Variants in TNNI3K observed in about 807,000 individuals in gnomAD.
The protein encoded by TNNI3K is serine/threonine-protein kinase TNNI3K.
TNNI3K carries 140 observed loss-of-function variants against 114.5 expected under a neutral mutation model. That is an observed-to-expected ratio of 1.22 (90% CI 1.07 to 1.41). TNNI3K has a LOEUF of 1.41. TNNI3K is among the 40% of genes most tolerant of loss of function. TNNI3K has a pLI of 0.00. For missense variants in TNNI3K, 1,125 were observed against 1,007.6 expected, an observed-to-expected ratio of 1.12 and a Z score of -1.58; for synonymous variants, 347 against 347.5, an observed-to-expected ratio of 1.00 and a Z score of 0.02.
intron 9 of TNNI3K, among the ~76,000 whole-genome samples, chr1:74,347,159 C>T (rs939194264): frequency 4.8e-5 from 5 of 104,764 alleles, no homozygotes; most frequent in African/African-American, 1.9e-4. Flanking sequence ...CCTCCCCCCA[C>T]CCCACAACAG....
intron 5 of TNNI3K, among the ~76,000 whole-genome samples, chr1:74,321,538 A>G (rs1659611339): frequency 6.6e-6 from 1 of 151,824 alleles, no homozygotes; most frequent in African/African-American, 2.4e-5. Context: ...CTCTCTATCC[A>G]TCAGCTTTTC....
intron 20 of TNNI3K, 146 bp downstream of exon 20, chr1:74,439,768 G>A (rs1666295523): frequency 1.6e-6 from 2 of 1,279,854 alleles, no homozygotes; most frequent in Non-Finnish European, 2.1e-6. Flanking sequence ...TTGTTTTAAG[G>A]TGTGTGCCCA....
At position 74,436,055 on chromosome 1, in the gene TNNI3K, CTTTTTTT is replaced by C. The variant is rs67642732; in HGVS notation, c.1773-11_1773-5del. 26 of 1,441,510 alleles carry C rather than the reference CTTTTTTT, an allele frequency of 1.8e-5. No individual in the cohort carries two copies. The highest frequency in any genetic ancestry group is 9.9e-5 in the East Asian group (4 of 40,592). 89.3% of individuals were successfully genotyped at this position (1,441,510 alleles called of 1,614,324 possible). A position where few individuals can be genotyped will look rare whatever the true frequency, so the allele number is the denominator to read the frequency against. On this transcript the variant is annotated intron_variant, in intron 17 of 24. Coordinates refer to ENST00000326637, the MANE Select transcript of TNNI3K (RefSeq NM_015978.3). ...CATAGCAAAGCTTACTCAATGTCTACTTTTTTTTTTTTTTTTTTTTACAGTCACAATA... is the reference window on the plus strand; with the variant it reads ...CATAGCAAAGCTTACTCAATGTCTACTTTTTTTTTTTTTACAGTCACAATA...
At position 74,430,473 on chromosome 1, in the gene TNNI3K, C is replaced by T. The variant is rs117842800; in HGVS notation, c.1773-5607C>T. Among the ~76,000 whole-genome samples the T allele has an allele frequency of 9.9e-4, 151 of 152,164 alleles. 1 individual carries two copies. The East Asian group carries it at 0.029, about 29-fold the overall frequency. On this transcript the variant is annotated intron_variant, in intron 17 of 24. Coordinates refer to ENST00000326637, the MANE Select transcript of TNNI3K (RefSeq NM_015978.3). ...CACAACACACACACATATGCACACA[C>T]CACTTTGCAAACAGCTTATTCATGT...
rs12563552 is a variant in TNNI3K at position 74,282,644 on chromosome 1, C to T, written c.444+10936C>T. On this transcript the variant is annotated intron_variant, in intron 5 of 24. Coordinates refer to ENST00000326637, the MANE Select transcript of TNNI3K (RefSeq NM_015978.3). ...CGTGAATTTCAGGGGACACAATTCC[C>T]CATAGCAATTATCCTTGTCAGATTT... Among the ~76,000 whole-genome samples, 131 of 152,222 alleles carry T rather than the reference C, an allele frequency of 8.6e-4. No individual in the cohort carries two copies. The East Asian group carries it at 0.016, about 19-fold the overall frequency.
intron 17 of TNNI3K, among the ~76,000 whole-genome samples, chr1:74,433,312 G>A (rs960434010): frequency 6.6e-6 from 1 of 152,012 alleles, no homozygotes; most frequent in Non-Finnish European, 1.5e-5. Context: ...TGGGTGTGAT[G>A]CCCACTGAAG....
intron 23 of TNNI3K, among the ~76,000 whole-genome samples, chr1:74,531,448 T>C (rs936782136): frequency 3.3e-5 from 5 of 152,166 alleles, no homozygotes; most frequent in Admixed American, 3.3e-4. Flanking sequence ...TCTTACTCTT[T>C]AGGCCAGAGG....
At chr1:74,252,114 A>G (rs572810815) in intron 4 of TNNI3K, among the ~76,000 whole-genome samples, 2 of 152,208 alleles carry the variant, frequency 1.3e-5, no homozygotes, top group South Asian at 4.2e-4. Flanking sequence ...CGTCTGGGAG[A>G]TTTTTTCTGT....
intron 17 of TNNI3K, among the ~76,000 whole-genome samples, chr1:74,426,329 T>C (rs1285004866): frequency 6.6e-6 from 1 of 152,040 alleles, no homozygotes. Context: ...TCCTTAGAGG[T>C]CAAGCTCTGC....
At chr1:74,324,088 TATAA>T (rs1294584536) in intron 5 of TNNI3K, among the ~76,000 whole-genome samples, 1 of 152,226 alleles carries the variant, frequency 6.6e-6, no homozygotes, top group Non-Finnish European at 1.5e-5. Context: ...ACAAGAGGAC[TATAA>T]ATATTAGTCC....
chr1:74,480,522 G>A (rs937695676), intron 21 of TNNI3K: 1 of 717,506 alleles, frequency 1.4e-6, no homozygotes, highest in Non-Finnish European at 2.6e-6. Flanking sequence ...TGAGGCAGGG[G>A]CCGGAAGGCA....
chr1:74,365,194 G>T (rs1443083319), intron 11 of TNNI3K, among the ~76,000 whole-genome samples: 2 of 152,054 alleles, frequency 1.3e-5, no homozygotes, highest in African/African-American at 2.4e-5. Context: ...TCTTACAAGG[G>T]TGGATTATCG....
intron 17 of TNNI3K, among the ~76,000 whole-genome samples, chr1:74,413,387 A>G (rs1664978230): frequency 6.6e-6 from 1 of 152,120 alleles, no homozygotes; most frequent in Admixed American, 6.5e-5. Flanking sequence ...AACATTTCAC[A>G]CCTCTTCTTA....
At chr1:74,417,298 G>A (rs1570595009) in intron 17 of TNNI3K, among the ~76,000 whole-genome samples, 2 of 151,982 alleles carry the variant, frequency 1.3e-5, no homozygotes, top group Non-Finnish European at 2.9e-5. Context: ...GTACTTCCCT[G>A]TTCAAGCCAA....
At chr1:74,366,546 A>G (rs1662281666) in intron 11 of TNNI3K, 1 of 152,014 alleles carries the variant, frequency 6.6e-6, no homozygotes, top group South Asian at 2.1e-4. Flanking sequence ...AGCCTTCTGC[A>G]TCTAGCCAGC....
intron 17 of TNNI3K, chr1:74,373,862 T>G (rs1170592854): frequency 6.6e-6 from 1 of 151,950 alleles, no homozygotes; most frequent in Non-Finnish European, 1.5e-5. Flanking sequence ...TACCATCCAG[T>G]TCTGAAAGTT....
At chr1:74,278,825 C>G (rs6663678) in intron 5 of TNNI3K, among the ~76,000 whole-genome samples, 89,429 of 151,984 alleles carry the variant, frequency 0.59, 29,964 homozygotes, top group East Asian at 0.82. Context: ...TTGGCTATTC[C>G]AGACATTTTA....
chr1:74,320,438 A>T (rs1425222926), intron 5 of TNNI3K, among the ~76,000 whole-genome samples: 1 of 152,230 alleles, frequency 6.6e-6, no homozygotes, highest in African/African-American at 2.4e-5. Context: ...ATTGTTAAAT[A>T]GTCTGTAAGG....
intron 11 of TNNI3K, among the ~76,000 whole-genome samples, chr1:74,355,735 A>C (rs2100485689): frequency 6.6e-6 from 1 of 152,344 alleles, no homozygotes; most frequent in South Asian, 2.1e-4. Flanking sequence ...GTAAGCGTAT[A>C]GACAAGGAGA....
Sources: gnomAD v4.1 joint callset for allele counts (sites outside exome capture counted in the v4.1 genomes callset) on GRCh38, gnomAD v4.1.1 for gene constraint, MANE v1.5 for transcripts, NCBI Gene and HGNC (gene_info 2026-07-23, HGNC 2026-07-21) for gene names.